The following ZNF425 variants were observed in gnomAD, a reference collection of about 807,000 sequenced individuals.
ZNF425 encodes zinc finger protein 425.
Under a neutral mutation model 17.0 loss-of-function variants are expected in ZNF425, and 21 were observed. The ratio of observed to expected loss-of-function variants is 1.23; its 90% CI spans 0.88 to 1.78. The LOEUF is 1.78. Ranked by LOEUF, ZNF425 falls within the 40% of genes most tolerant of loss-of-function variation. The pLI, the probability that ZNF425 is intolerant of heterozygous loss-of-function variation, is 0.00. For synonymous variants in ZNF425, 433 were observed against 384.1 expected, an observed-to-expected ratio of 1.13 and a Z score of -1.49; for missense variants, 868 against 967.3, an observed-to-expected ratio of 0.90 and a Z score of 1.36.
At chr7:149,107,559 G>A (rs966555414) in intron 3 of ZNF425, among the ~76,000 whole-genome samples, 7 of 151,716 alleles carry the variant, frequency 4.6e-5, no homozygotes, top group African/African-American at 1.5e-4. Context: ...GGATGGTCTC[G>A]ATCTCCTGAC....
chr7:149,105,390 T>C lies in ZNF425; in HGVS notation c.481A>G (p.Thr161Ala), dbSNP rs756162780. Reference sequence around the variant, plus strand: ...TCTTTCTTGTCTGGATCATATGCTGTGATGCTGACTTTTTTATTTAGAATC... The same window carrying C: ...TCTTTCTTGTCTGGATCATATGCTGCGATGCTGACTTTTTTATTTAGAATC... ...TEILNKKVSITAYDPDKKDLR... is the reference protein window; with the variant it reads ...TEILNKKVSIAAYDPDKKDLR... The change falls in exon 4 of 4, where the codon ACA becomes GCA. Residue 161 changes from threonine to alanine, a missense_variant. By Grantham distance (58) the Thr-to-Ala change is moderately conservative. Around this residue, in one of 5 missense-constraint regions of ZNF425, gnomAD observed 179 missense variants for 216.3 expected, o/e 0.83. Coordinates refer to ENST00000378061, the MANE Select transcript of ZNF425 (RefSeq NM_001001661.3). 1 of 1,586,006 alleles carries C rather than the reference T, an allele frequency of 6.3e-7. No homozygotes were observed. The highest frequency in any genetic ancestry group is 1.2e-5 in the South Asian group (1 of 86,248).
At chr7:149,114,161 C>G (rs970793909) in intron 2 of ZNF425, among the ~76,000 whole-genome samples, 2 of 151,574 alleles carry the variant, frequency 1.3e-5, no homozygotes, top group Non-Finnish European at 2.9e-5. Context: ...CGGGTTCAAG[C>G]GATTCTCCTG....
At chr7:149,107,123 A>T (rs796232173) in intron 3 of ZNF425, among the ~76,000 whole-genome samples, 4,341 of 147,618 alleles carry the variant, frequency 0.029, 181 homozygotes, top group African/African-American at 0.099. Context: ...AAAAAAAAAA[A>T]TTTTTAAGGA....
At position 149,104,670 on chromosome 7, in the gene ZNF425, G is replaced by A; in HGVS notation, c.1201C>T (p.Leu401=). The A allele has an allele frequency of 6.2e-7, 1 of 1,614,088 alleles. No individual in the cohort carries two copies. Among genetic ancestry groups the A allele is most frequent in the Non-Finnish European group, 8.5e-7 (1 of 1,180,038 alleles). Residue 401 remains leucine, a synonymous_variant, in exon 4 of 4, where the codon CTG becomes TTG. Coordinates refer to ENST00000378061, the MANE Select transcript of ZNF425 (RefSeq NM_001001661.3). This position sits in a 1 kb window ranked among gnomAD's most constrained non-coding sequence, Gnocchi z 4.3. ...GTGTGAACTCTGATGTGCTCGTCCA[G>A]CTTAATCTTGTAGATGAATTTCCTG... The part of the protein sequence containing the change: ...CGRKFIYKIK[L]DEHIRVHTGE...
rs1826468652 is a variant in ZNF425 at position 149,126,248 on chromosome 7, G to A, written c.-35C>T. On this transcript the variant is annotated 5_prime_UTR_variant, in exon 1 of 4. Transcript: ENST00000378061. ...GCACGAACCGGCCCTGCCTGGCACGGCCTCCCCTCCGCTCCGCCCCAACCC... is the reference window on the plus strand; with the variant it reads ...GCACGAACCGGCCCTGCCTGGCACGACCTCCCCTCCGCTCCGCCCCAACCC... 8.1e-6 allele frequency: 13 copies of A among 1,606,726 alleles called. No homozygotes were observed. The highest frequency in any genetic ancestry group is 1.3e-5 in the African/African-American group (1 of 74,742).
chr7:149,117,763 C>T (rs893339305), intron 2 of ZNF425, among the ~76,000 whole-genome samples: 1 of 143,734 alleles, frequency 7.0e-6, no homozygotes, highest in Non-Finnish European at 1.5e-5. Context: ...AGCGATTCTC[C>T]TGTCTCAGCC....
intron 3 of ZNF425, among the ~76,000 whole-genome samples, chr7:149,111,140 G>T (rs1301780332): frequency 6.6e-6 from 1 of 150,392 alleles, no homozygotes; most frequent in Non-Finnish European, 1.5e-5. Context: ...CCCAGGATTT[G>T]TTTTTTTTTA....
chr7:149,110,111 T>C (rs1179254049), intron 3 of ZNF425, among the ~76,000 whole-genome samples: 1 of 150,198 alleles, frequency 6.7e-6, no homozygotes, highest in Non-Finnish European at 1.5e-5. Flanking sequence ...CCTGACCTCA[T>C]GTGATCCGAC....
At position 149,103,522 on chromosome 7, in the gene ZNF425, C is replaced by A. The variant is rs951739540; in HGVS notation, c.*90G>T. 2.0e-6 allele frequency: 3 copies of A among 1,468,382 alleles called. No homozygotes were observed. The highest frequency in any genetic ancestry group is 2.7e-6 in the Non-Finnish European group (3 of 1,107,748). The allele number at this position is 1,468,382 out of a possible 1,614,324, so 91.0% of individuals were successfully genotyped here. ...CGGGAGCCACTGTGCCCGATCTTAC[C>A]CTGTGAATCCTTCAACCTGCCTCAA... On this transcript the variant is annotated 3_prime_UTR_variant, in exon 4 of 4. Coordinates refer to ENST00000378061, the MANE Select transcript of ZNF425 (RefSeq NM_001001661.3).
At chr7:149,105,957 CTTT>C (rs35777509) in intron 3 of ZNF425, among the ~76,000 whole-genome samples, 1 of 119,378 alleles carries the variant, frequency 8.4e-6, no homozygotes, top group Non-Finnish European at 1.6e-5. Flanking sequence ...AATTTTTTTC[CTTT>C]TTTTTTTTTT....
Position 149,104,917 on chromosome 7 carries a change from C to G in ZNF425, c.954G>C (p.Thr318=), listed in dbSNP as rs766814469. 6.2e-7 allele frequency: 1 copy of G among 1,613,594 alleles called. No individual in the cohort carries two copies. Among genetic ancestry groups the G allele is most frequent in the South Asian group, 1.1e-5 (1 of 91,022 alleles). ...CTCCGCTGTGCAGCCGCAAGTGCTCCGTGAGCTCGCACTGCTGCACGAAGG... is the reference window on the plus strand; with the variant it reads ...CTCCGCTGTGCAGCCGCAAGTGCTCGGTGAGCTCGCACTGCTGCACGAAGG... ...GRAFVQQCEL[T]EHLRLHSGEK... The change falls in exon 4 of 4, where the codon ACG becomes ACC. Residue 318 remains threonine (T), a synonymous_variant. Transcript: ENST00000378061. The surrounding 1 kb of genome is among the most constrained non-coding windows in gnomAD (Gnocchi z 4.3).
rs12704061 is a variant in ZNF425 at position 149,104,245 on chromosome 7, T to C, written c.1626A>G (p.Thr542=). 310,845 of 1,613,582 alleles carry C rather than the reference T, an allele frequency of 0.19. 31,801 individuals carry two copies. The highest frequency in any genetic ancestry group is 0.36 in the African/African-American group (27,120 of 74,968). ...CGCCACTGTGAAGCCTCGTGTGCTCTGTGAGATGCGCGCGTCGGCGGAAAC... is the reference window on the plus strand; with the variant it reads ...CGCCACTGTGAAGCCTCGTGTGCTCCGTGAGATGCGCGCGTCGGCGGAAAC... ...GRSFRRRAHL[T]EHTRLHSGEE... Residue 542 remains threonine (T), a synonymous_variant, in exon 4 of 4, where the codon ACA becomes ACG. Transcript: ENST00000378061. The surrounding 1 kb of genome is among the most constrained non-coding windows in gnomAD (Gnocchi z 4.3).
At chr7:149,124,249 G>A (rs1167866455) in intron 1 of ZNF425, among the ~76,000 whole-genome samples, 5 of 150,646 alleles carry the variant, frequency 3.3e-5, no homozygotes, top group Non-Finnish European at 5.9e-5. Flanking sequence ...TCCACCTTCC[G>A]GGTTCACGCC....
At position 149,104,317 on chromosome 7, in the gene ZNF425, C is replaced by G. The variant is rs1381972819; in HGVS notation, c.1554G>C (p.Lys518Asn). ...SQQSRLTQHLKVHTTEKPFSC... is the reference protein window; with the variant it reads ...SQQSRLTQHLNVHTTEKPFSC... Reference sequence around the variant, plus strand: ...AGAACGGCTTTTCCGTGGTGTGGACCTTCAGGTGCTGCGTGAGCCGCGACT... The same window carrying G: ...AGAACGGCTTTTCCGTGGTGTGGACGTTCAGGTGCTGCGTGAGCCGCGACT... Residue 518 changes from lysine to asparagine, a missense_variant, in exon 4 of 4, where the codon AAG becomes AAC. Physicochemically the swap from Lys to Asn is moderately conservative, Grantham distance 94. This residue lies in a region of ZNF425 where 437 missense variants were observed against 444.2 expected (regional missense o/e 0.98). Transcript: ENST00000378061. The surrounding 1 kb of genome is among the most constrained non-coding windows in gnomAD (Gnocchi z 4.3). 3 of 1,613,120 alleles carry G rather than the reference C, an allele frequency of 1.9e-6. No individual in the cohort carries two copies. The highest frequency in any genetic ancestry group is 2.7e-5 in the African/African-American group (2 of 74,914).
At chr7:149,118,450 A>T in intron 1 of ZNF425, 102 bp from the exon 2 acceptor site, 1 of 1,351,306 alleles carries the variant, frequency 7.4e-7, no homozygotes, top group Non-Finnish European at 1.0e-6. Flanking sequence ...CATGTTAATT[A>T]TTTCTGGATG....
chr7:149,126,301 C>T lies in ZNF425; in HGVS notation c.-88G>A, dbSNP rs571387707. ...CTCCCAGGTACAGCCCTGCTGGCCC[C>T]CAAAGGCAGAGCCGGCCGGGCGCGG... On this transcript the variant is annotated 5_prime_UTR_variant, in exon 1 of 4. Transcript: ENST00000378061. 269 of 1,525,000 alleles carry T rather than the reference C, an allele frequency of 1.8e-4. 1 individual carries two copies. The African/African-American group carries it at 3.4e-3, about 19-fold the overall frequency. 94.5% of individuals were successfully genotyped at this position (1,525,000 alleles called of 1,614,324 possible). A position where few individuals can be genotyped will look rare whatever the true frequency, so the allele number is the denominator to read the frequency against.
Position 149,110,469 on chromosome 7 carries a change from G to A in ZNF425, c.304+1668C>T, listed in dbSNP as rs555844947. ...TAATCCCAGCTACTCAGGAGGCTGA[G>A]GCAGGAGAATTGCTTGAACCCAGGA... On this transcript the variant is annotated intron_variant, in intron 3 of 3. Coordinates refer to ENST00000378061, the MANE Select transcript of ZNF425 (RefSeq NM_001001661.3). Among the ~76,000 whole-genome samples the A allele has an allele frequency of 2.1e-3, 313 of 151,636 alleles. 1 individual carries two copies. Among genetic ancestry groups the A allele is most frequent in the Non-Finnish European group, 3.6e-3 (242 of 67,930 alleles).
chr7:149,121,111 T>TGA (rs1563148933), intron 1 of ZNF425, among the ~76,000 whole-genome samples: 1,322 of 14,446 alleles, frequency 0.092, 223 homozygotes, highest in African/African-American at 0.22. Context: ...TTTTTTTTTT[T>TGA]GAGACGGAGT....
At chr7:149,107,489 C>G (rs995622129) in intron 3 of ZNF425, among the ~76,000 whole-genome samples, 1 of 151,846 alleles carries the variant, frequency 6.6e-6, no homozygotes, top group African/African-American at 2.4e-5. Context: ...AGGCGCCCAC[C>G]ACCACGCCCG....
Sources: allele counts gnomAD v4.1 joint callset (sites outside exome capture counted in the v4.1 genomes callset), GRCh38; gene constraint gnomAD v4.1.1; regional missense constraint gnomAD v4.1.1; non-coding constraint Gnocchi (gnomAD v3.1); transcripts MANE v1.5; gene names NCBI Gene and HGNC (gene_info 2026-07-23, HGNC 2026-07-21).